Variants in CPE observed in about 807,000 individuals in gnomAD.
The protein encoded by CPE is carboxypeptidase E.
Under a neutral mutation model 53.5 loss-of-function variants are expected in CPE, and 17 were observed. That is an observed-to-expected ratio of 0.32 (90% CI 0.22 to 0.48). CPE has a LOEUF of 0.48. CPE is among the 20% of genes least tolerant of loss of function. The pLI, the probability that CPE is intolerant of heterozygous loss-of-function variation, is 0.99. For synonymous variants in CPE, 226 were observed against 228.8 expected (o/e 0.99, Z 0.11); for missense variants, 524 against 614.7 (o/e 0.85, Z 1.56).
At chr4:165,442,949 T>C (rs1446391723) in intron 1 of CPE, among the ~76,000 whole-genome samples, 1 of 152,198 alleles carries the variant, frequency 6.6e-6, no homozygotes, top group Non-Finnish European at 1.5e-5. Context: ...TAGGAGACTT[T>C]AGATTTCATG....
At chr4:165,404,001 T>C in intron 1 of CPE, 1 of 724,510 alleles carries the variant, frequency 1.4e-6, no homozygotes, top group South Asian at 1.4e-5. Flanking sequence ...TGCCACTCTG[T>C]TGGAGAACCA....
chr4:165,426,119 C>T (rs1731313669), intron 1 of CPE, among the ~76,000 whole-genome samples: 1 of 152,140 alleles, frequency 6.6e-6, no homozygotes, highest in South Asian at 2.1e-4. Flanking sequence ...GAAAAATATT[C>T]TCTAGGGGAA....
At position 165,379,564 on chromosome 4, in the gene CPE, C is replaced by G; in HGVS notation, c.307+36C>G. Reference sequence around the variant, plus strand: ...TGCCCCCTGACAGCCCTGGGGGCATCCCGGAGGGGGGCGGCAGAGGGTGGG... The same window carrying G: ...TGCCCCCTGACAGCCCTGGGGGCATGCCGGAGGGGGGCGGCAGAGGGTGGG... On this transcript the variant is annotated intron_variant, in intron 1 of 8. Transcript: ENST00000402744. The surrounding 1 kb of genome is among the most constrained non-coding windows in gnomAD (Gnocchi z 6.0). 6.8e-7 allele frequency: 1 copy of G among 1,468,728 alleles called. No homozygotes were observed. Among genetic ancestry groups the G allele is most frequent in the Non-Finnish European group, 9.1e-7 (1 of 1,097,934 alleles). 91.0% of individuals were successfully genotyped at this position (1,468,728 alleles called of 1,614,324 possible).
At chr4:165,481,919 A>G (rs981238893) in intron 3 of CPE, among the ~76,000 whole-genome samples, 10 of 152,230 alleles carry the variant, frequency 6.6e-5, no homozygotes, top group African/African-American at 1.9e-4. Context: ...ACCACTACAG[A>G]TCAGACAGCG....
At chr4:165,462,876 C>T (rs1029669262) in intron 1 of CPE, among the ~76,000 whole-genome samples, 1 of 152,070 alleles carries the variant, frequency 6.6e-6, no homozygotes, top group African/African-American at 2.4e-5. Flanking sequence ...TGAATAGTCA[C>T]TTAATTCAGA....
intron 1 of CPE, among the ~76,000 whole-genome samples, chr4:165,383,843 A>G (rs1423501603): frequency 6.6e-6 from 1 of 152,264 alleles, no homozygotes; most frequent in African/African-American, 2.4e-5. Context: ...GATAGATGTT[A>G]GATCCTAGAG....
chr4:165,428,051 A>G (rs1731351578), intron 1 of CPE, among the ~76,000 whole-genome samples: 1 of 151,722 alleles, frequency 6.6e-6, no homozygotes, highest in Non-Finnish European at 1.5e-5. Context: ...TTTTTTATAG[A>G]CAAGCTTTTG....
intron 1 of CPE, among the ~76,000 whole-genome samples, chr4:165,383,990 A>G (rs1579236539): frequency 6.6e-6 from 1 of 152,222 alleles, no homozygotes; most frequent in South Asian, 2.1e-4. Context: ...GCTTGCCCCT[A>G]CATGATAGCC....
chr4:165,439,784 T>C (rs1354388285), intron 1 of CPE, among the ~76,000 whole-genome samples: 3 of 152,184 alleles, frequency 2.0e-5, no homozygotes, highest in African/African-American at 4.8e-5. Context: ...AGCAGACTGA[T>C]TGGAAGAGGG....
intron 1 of CPE, chr4:165,404,987 CTG>C (rs3073918): frequency 2.7e-6 from 2 of 752,266 alleles, no homozygotes; most frequent in Admixed American, 3.5e-5. Context: ...CTTTAGCACT[CTG>C]TGCTTAAAAC....
chr4:165,395,350 G>C (rs2126657848), intron 1 of CPE, among the ~76,000 whole-genome samples: 1 of 152,230 alleles, frequency 6.6e-6, no homozygotes, highest in Middle Eastern at 3.4e-3. Context: ...CCTGTGCATA[G>C]AGCTAACCTT....
chr4:165,379,083 A>T lies in CPE; in HGVS notation c.-139A>T. 1.3e-6 allele frequency: 1 copy of T among 773,550 alleles called. No individual in the cohort carries two copies. Among genetic ancestry groups the T allele is most frequent in the Non-Finnish European group, 1.7e-6 (1 of 582,000 alleles). The allele number at this position is 773,550 out of a possible 1,614,324, so 47.9% of individuals were successfully genotyped here. A position where few individuals can be genotyped will look rare whatever the true frequency, so the allele number is the denominator to read the frequency against. ...CCAGTGCGCGGGCTGACACTCATTC[A>T]GCCGGGGAAGGTGAGGCGAGTAGAG... On this transcript the variant is annotated 5_prime_UTR_variant, in exon 1 of 9. Transcript: ENST00000402744. The surrounding 1 kb of genome is among the most constrained non-coding windows in gnomAD (Gnocchi z 6.0).
At chr4:165,446,473 G>T (rs1187064490) in intron 1 of CPE, among the ~76,000 whole-genome samples, 1 of 152,110 alleles carries the variant, frequency 6.6e-6, no homozygotes, top group Non-Finnish European at 1.5e-5. Context: ...TTAAATAAAA[G>T]AAATACAAAT....
chr4:165,485,169 G>T (rs1174790587), intron 5 of CPE, among the ~76,000 whole-genome samples: 1 of 152,168 alleles, frequency 6.6e-6, no homozygotes, highest in Non-Finnish European at 1.5e-5. Context: ...AGCAGCTGGG[G>T]GAAGCCCCTT....
intron 1 of CPE, chr4:165,404,875 C>T: frequency 5.2e-6 from 4 of 763,334 alleles, no homozygotes; most frequent in South Asian, 1.3e-5. Context: ...GCCTGCCAAT[C>T]ACCTTCTCAG....
chr4:165,422,175 C>A (rs960315960), intron 1 of CPE, among the ~76,000 whole-genome samples: 14 of 152,030 alleles, frequency 9.2e-5, no homozygotes. Flanking sequence ...TTAAAATTCT[C>A]TGGAATAGAT....
intron 1 of CPE, among the ~76,000 whole-genome samples, chr4:165,403,904 A>G (rs191903130): frequency 1.3e-4 from 20 of 152,034 alleles, no homozygotes; most frequent in Admixed American, 1.2e-3. Flanking sequence ...CAGGAGGGGG[A>G]GATGATCTTG....
intron 3 of CPE, among the ~76,000 whole-genome samples, chr4:165,471,166 G>A (rs60509874): frequency 0.15 from 22,120 of 152,132 alleles, 1,973 homozygotes; most frequent in East Asian, 0.24. Flanking sequence ...GGCTATTTTC[G>A]TGCCTGCTAA....
At chr4:165,436,493 G>C (rs1391088520) in intron 1 of CPE, among the ~76,000 whole-genome samples, 1 of 152,088 alleles carries the variant, frequency 6.6e-6, no homozygotes, top group South Asian at 2.1e-4. Context: ...ATTGTTTCCT[G>C]ATCTTTACAA....
Sources: allele counts gnomAD v4.1 joint callset (sites outside exome capture counted in the v4.1 genomes callset), GRCh38; gene constraint gnomAD v4.1.1; non-coding constraint Gnocchi (gnomAD v3.1); transcripts MANE v1.5; gene names NCBI Gene and HGNC (gene_info 2026-07-23, HGNC 2026-07-21).